TUSC3: variants seen among roughly 807,000 people sequenced by gnomAD.
TUSC3 encodes the protein tumor suppressor candidate 3, also known as dolichyl-diphosphooligosaccharide--protein glycosyltransferase subunit TUSC3.
In TUSC3, 45 loss-of-function variants were observed where a neutral mutation model predicts 44.8. That is an observed-to-expected ratio of 1.00 (90% CI 0.79 to 1.29). The LOEUF (loss-of-function observed/expected upper bound fraction) is 1.29. Ranked by LOEUF, TUSC3 falls within the 50% of genes most tolerant of loss-of-function variation. The pLI is 0.00. For synonymous variants in TUSC3, 212 were observed against 152.9 expected (o/e 1.39, Z -2.85); for missense variants, 519 against 437.9 (o/e 1.19, Z -1.65).
rs574933866 is a variant in TUSC3 at position 15,426,762 on chromosome 8, A to G, written n.91+9457A>G. On this transcript the variant is annotated intron_variant and non_coding_transcript_variant, in intron 1 of 5. Coordinates refer to the TUSC3 transcript ENST00000503191. ...ACATATACTCAGAAGTGGGATTGCTAGATAATAAGGTAGTTCTATTTTATT... is the reference window on the plus strand; with the variant it reads ...ACATATACTCAGAAGTGGGATTGCTGGATAATAAGGTAGTTCTATTTTATT... Among the ~76,000 whole-genome samples, 6 of 152,292 alleles carry G rather than the reference A, an allele frequency of 3.9e-5. No homozygotes were observed. The East Asian group carries it at 7.7e-4, about 20-fold the overall frequency.
intron 2 of TUSC3, among the ~76,000 whole-genome samples, chr8:15,634,995 C>A (rs1805999087): frequency 6.6e-6 from 1 of 152,116 alleles, no homozygotes; most frequent in Non-Finnish European, 1.5e-5. Context: ...TTAACTAAGA[C>A]CATGTCAGTA....
chr8:15,421,515 T>C (rs1488591644), intron 1 of TUSC3, among the ~76,000 whole-genome samples: 2 of 152,162 alleles, frequency 1.3e-5, no homozygotes, highest in Non-Finnish European at 1.5e-5. Context: ...CTAGTCCCCT[T>C]TGCCCCATTC....
At chr8:15,695,595 A>C (rs1049259579) in intron 6 of TUSC3, among the ~76,000 whole-genome samples, 2 of 152,214 alleles carry the variant, frequency 1.3e-5, no homozygotes, top group South Asian at 4.1e-4. Flanking sequence ...ACTTGGTAAC[A>C]GGCAGAGTCT....
chr8:15,532,588 A>G (rs1801464269), intron 2 of TUSC3, among the ~76,000 whole-genome samples: 1 of 152,168 alleles, frequency 6.6e-6, no homozygotes, highest in East Asian at 1.9e-4. Context: ...GATAAGAGAC[A>G]AAAGTTTGTA....
chr8:15,503,509 GCTTC>G (rs1213340179), intron 2 of TUSC3, among the ~76,000 whole-genome samples: 3 of 151,824 alleles, frequency 2.0e-5, no homozygotes, highest in African/African-American at 7.3e-5. Flanking sequence ...AGTAGGCTTT[GCTTC>G]CTTCAACTTA....
intron 2 of TUSC3, among the ~76,000 whole-genome samples, chr8:15,529,817 G>T: frequency 8.5e-6 from 1 of 118,086 alleles, no homozygotes; most frequent in Non-Finnish European, 1.7e-5. Context: ...TTGAGACGGA[G>T]TCTCGCTCTG....
At chr8:15,587,445 TG>T in intron 1 of TUSC3, among the ~76,000 whole-genome samples, 1 of 152,282 alleles carries the variant, frequency 6.6e-6, no homozygotes, top group African/African-American at 2.4e-5. Context: ...TTAGTTGACA[TG>T]TAATAACTGT....
intron 8 of TUSC3, among the ~76,000 whole-genome samples, chr8:15,745,190 G>A (rs189701154): frequency 6.9e-4 from 105 of 152,100 alleles, no homozygotes; most frequent in Admixed American, 2.4e-3. Flanking sequence ...GTCCGTCATT[G>A]ATGTGGTATA....
chr8:15,799,067 G>T, the TUSC3 span, among the ~76,000 whole-genome samples: 1 of 152,116 alleles, frequency 6.6e-6, no homozygotes, highest in African/African-American at 2.4e-5. Flanking sequence ...TCCTTGACAA[G>T]GCTAATGCTC....
At chr8:15,666,630 C>T (rs904490942) in intron 5 of TUSC3, among the ~76,000 whole-genome samples, 2 of 151,276 alleles carry the variant, frequency 1.3e-5, no homozygotes, top group African/African-American at 4.8e-5. Flanking sequence ...GGTCTTTTTT[C>T]ATCCACATTT....
chr8:15,647,855 C>G (rs1585190150), intron 2 of TUSC3, among the ~76,000 whole-genome samples: 4 of 152,114 alleles, frequency 2.6e-5, no homozygotes, highest in Admixed American at 2.6e-4. Flanking sequence ...TCTAGTGTTG[C>G]TAATGATCAG....
chr8:15,468,000 C>G (rs1034366132), intron 1 of TUSC3, among the ~76,000 whole-genome samples: 1 of 152,040 alleles, frequency 6.6e-6, no homozygotes, highest in Non-Finnish European at 1.5e-5. Context: ...AAGGAATGTA[C>G]TATGAAATAG....
intron 1 of TUSC3, among the ~76,000 whole-genome samples, chr8:15,578,934 T>C (rs985776248): frequency 6.6e-6 from 1 of 152,158 alleles, no homozygotes; most frequent in East Asian, 1.9e-4. Flanking sequence ...CAGCTGTGAA[T>C]CCATCTGGTC....
At chr8:15,668,957 G>A (rs1807806235) in intron 5 of TUSC3, among the ~76,000 whole-genome samples, 1 of 151,646 alleles carries the variant, frequency 6.6e-6, no homozygotes, top group Admixed American at 6.6e-5. Flanking sequence ...TTTCCCAAGT[G>A]GAAAGCTTCT....
rs1812325642 is a variant in TUSC3 at position 15,766,355 on chromosome 8, A to G, written c.*2199A>G. On this transcript the variant is annotated 3_prime_UTR_variant, in exon 11 of 11. Transcript: ENST00000503731. The stretch of plus-strand genomic sequence containing the variant: ...GAATGTAACGTGCAAAATCACATAC[A>G]TGCGATGTATTTACCTTTGCTAGAC... 6.6e-6 allele frequency: 1 copy of G among 152,102 alleles called. No individual in the cohort carries two copies. The highest frequency in any genetic ancestry group is 1.5e-5 in the Non-Finnish European group (1 of 68,004). The allele number at this position is 152,102 out of a possible 1,614,324, so 9.4% of individuals were successfully genotyped here.
intron 1 of TUSC3, among the ~76,000 whole-genome samples, chr8:15,594,010 T>A (rs1803964544): frequency 6.6e-6 from 1 of 152,234 alleles, no homozygotes; most frequent in Admixed American, 6.5e-5. Flanking sequence ...CTAACGATAC[T>A]ATATTATGAG....
chr8:15,591,793 T>A (rs1803851174), intron 1 of TUSC3, among the ~76,000 whole-genome samples: 1 of 152,158 alleles, frequency 6.6e-6, no homozygotes, highest in Non-Finnish European at 1.5e-5. Flanking sequence ...ATTGGAGTGG[T>A]AGGCAGAGGC....
chr8:15,517,210 A>T (rs1801229059), intron 2 of TUSC3, among the ~76,000 whole-genome samples: 1 of 152,174 alleles, frequency 6.6e-6, no homozygotes, highest in East Asian at 1.9e-4. Flanking sequence ...CCCAATTTTT[A>T]AAAAATGTTA....
At position 15,463,863 on chromosome 8, in the gene TUSC3, A is replaced by G. The variant is rs180905381; in HGVS notation, n.92-19523A>G. ...ATATGCTGTAACATCACATCTTTCC[A>G]AAACCATACATATAATGTTCTTATT... On this transcript the variant is annotated intron_variant and non_coding_transcript_variant, in intron 1 of 5. Transcript: ENST00000503191. Among the ~76,000 whole-genome samples, 22 of 152,304 alleles carry G rather than the reference A, an allele frequency of 1.4e-4. 1 individual carries two copies. Among genetic ancestry groups the G allele is most frequent in the African/African-American group, 5.1e-4 (21 of 41,576 alleles).
Sources: gnomAD v4.1 joint callset for allele counts (sites outside exome capture counted in the v4.1 genomes callset) on GRCh38, gnomAD v4.1.1 for gene constraint, MANE v1.5 for transcripts, NCBI Gene and HGNC (gene_info 2026-07-23, HGNC 2026-07-21) for gene names.